RBMS1: variants seen among roughly 807,000 people sequenced by gnomAD.
The protein encoded by RBMS1 is RNA-binding motif, single-stranded-interacting protein 1.
A neutral mutation model predicts 62.3 loss-of-function variants in RBMS1; 17 were observed. That is an observed-to-expected ratio of 0.27 (90% CI 0.19 to 0.41). RBMS1 has a LOEUF of 0.41. Among genes scored for constraint, RBMS1 ranks in the 10% least tolerant of loss-of-function variants. The pLI, the probability that RBMS1 is intolerant of heterozygous loss-of-function variation, is 1.00. For missense variants in RBMS1, 334 were observed against 504.5 expected (o/e 0.66, Z 3.24); for synonymous variants, 172 against 170.0 (o/e 1.01, Z -0.09).
chr2:160,364,319 G>A (rs111503633), intron 2 of RBMS1, among the ~76,000 whole-genome samples: 15 of 152,304 alleles, frequency 9.8e-5, no homozygotes, highest in Admixed American at 5.2e-4. Flanking sequence ...AGCAGTCAAG[G>A]TTCCAAGATT....
At chr2:160,412,818 G>T (rs1450082872) in intron 1 of RBMS1, among the ~76,000 whole-genome samples, 5 of 152,232 alleles carry the variant, frequency 3.3e-5, no homozygotes, top group African/African-American at 1.2e-4. Context: ...TAGAAGGCTA[G>T]CATGAGGGAC....
intron 6 of RBMS1, among the ~76,000 whole-genome samples, chr2:160,290,926 C>G (rs1040690613): frequency 1.3e-5 from 2 of 152,198 alleles, no homozygotes; most frequent in African/African-American, 4.8e-5. Flanking sequence ...GGATAAGGCT[C>G]AGGCTGACTT....
At chr2:160,372,413 C>T (rs1453921968) in intron 1 of RBMS1, among the ~76,000 whole-genome samples, 1 of 152,174 alleles carries the variant, frequency 6.6e-6, no homozygotes, top group African/African-American at 2.4e-5. Context: ...TCAACTATTT[C>T]CTTCATCCAG....
intron 1 of RBMS1, among the ~76,000 whole-genome samples, chr2:160,382,094 T>C (rs1017399469): frequency 6.6e-6 from 1 of 152,186 alleles, no homozygotes; most frequent in South Asian, 2.1e-4. Context: ...CTAAGCTTTA[T>C]GTGTTTGGTG....
chr2:160,405,570 C>A (rs1253822274), intron 1 of RBMS1, among the ~76,000 whole-genome samples: 2 of 152,210 alleles, frequency 1.3e-5, no homozygotes, highest in Non-Finnish European at 2.9e-5. Flanking sequence ...TCAAATACCA[C>A]TGGTACCCGG....
chr2:160,374,065 G>A (rs902199784), intron 1 of RBMS1, among the ~76,000 whole-genome samples: 1 of 152,066 alleles, frequency 6.6e-6, no homozygotes, highest in Non-Finnish European at 1.5e-5. Context: ...TTGAGCCCAG[G>A]GGGTTGAGAC....
intron 1 of RBMS1, among the ~76,000 whole-genome samples, chr2:160,427,329 A>T (rs1682680906): frequency 6.6e-6 from 1 of 152,156 alleles, no homozygotes; most frequent in Non-Finnish European, 1.5e-5. Context: ...CCATATATAT[A>T]CCTACAACTA....
chr2:160,377,196 G>GT (rs1694047213), intron 1 of RBMS1, among the ~76,000 whole-genome samples: 4 of 151,998 alleles, frequency 2.6e-5, no homozygotes, highest in Admixed American at 1.3e-4. Context: ...AAACTGAAAC[G>GT]TAAGTTTTGT....
At chr2:160,480,551 G>A (rs1438956888) in intron 1 of RBMS1, among the ~76,000 whole-genome samples, 1 of 152,034 alleles carries the variant, frequency 6.6e-6, no homozygotes, top group Non-Finnish European at 1.5e-5. Context: ...TTACTTAAAG[G>A]GGTAAATTCA....
At chr2:160,321,084 G>A (rs1376048401) in intron 2 of RBMS1, among the ~76,000 whole-genome samples, 2 of 151,972 alleles carry the variant, frequency 1.3e-5, no homozygotes, top group African/African-American at 4.8e-5. Context: ...GTTGGCCTTC[G>A]ACACTTCTAG....
chr2:160,300,593 A>G (rs1689157639), intron 6 of RBMS1, 58 bp downstream of exon 6: 8 of 1,513,084 alleles, frequency 5.3e-6, no homozygotes, highest in Non-Finnish European at 7.0e-6. Context: ...ATCATGTGCT[A>G]AAGTTAAACA....
rs1687656526 is a variant in RBMS1 at position 160,273,129 on chromosome 2, C to T, written c.*1643G>A. On this transcript the variant is annotated 3_prime_UTR_variant, in exon 14 of 14. Transcript: ENST00000348849. ...TGCCTTAATAAAAGAGCTTTAATAA[C>T]AGTGAATTATCTTATATGTACTAAA... 1 of 152,206 alleles carries T rather than the reference C, an allele frequency of 6.6e-6. No homozygotes were observed. The highest frequency in any genetic ancestry group is 6.5e-5 in the Admixed American group (1 of 15,282). The allele number at this position is 152,206 out of a possible 1,614,324, so 9.4% of individuals were successfully genotyped here. A position where few individuals can be genotyped will look rare whatever the true frequency, so the allele number is the denominator to read the frequency against.
chr2:160,476,704 G>A (rs1373698644), intron 1 of RBMS1, among the ~76,000 whole-genome samples: 4 of 151,350 alleles, frequency 2.6e-5, no homozygotes, highest in Admixed American at 6.6e-5. Flanking sequence ...ACAGGCGCCC[G>A]CCACTACGCC....
At chr2:160,363,679 G>T (rs901194284) in intron 2 of RBMS1, among the ~76,000 whole-genome samples, 10 of 152,182 alleles carry the variant, frequency 6.6e-5, no homozygotes, top group African/African-American at 2.4e-4. Context: ...AAAGCTTCAT[G>T]TTTAAGAAAG....
At chr2:160,466,714 T>G (rs1684710169) in intron 1 of RBMS1, among the ~76,000 whole-genome samples, 1 of 152,182 alleles carries the variant, frequency 6.6e-6, no homozygotes, top group Admixed American at 6.5e-5. Flanking sequence ...GATAAGTAAC[T>G]TAAGTGAACC....
chr2:160,349,394 G>C (rs749854197), intron 2 of RBMS1, among the ~76,000 whole-genome samples: 7 of 152,032 alleles, frequency 4.6e-5, no homozygotes, highest in Non-Finnish European at 8.8e-5. Flanking sequence ...ACAATAAATA[G>C]ATGAAAAAAA....
intron 2 of RBMS1, among the ~76,000 whole-genome samples, chr2:160,349,993 A>G (rs948263177): frequency 6.6e-6 from 1 of 152,030 alleles, no homozygotes; most frequent in African/African-American, 2.4e-5. Flanking sequence ...GGAGCAGTGC[A>G]GGCAGAGGAG....
At chr2:160,469,380 T>C (rs1684826339) in intron 1 of RBMS1, among the ~76,000 whole-genome samples, 1 of 152,162 alleles carries the variant, frequency 6.6e-6, no homozygotes, top group Non-Finnish European at 1.5e-5. Context: ...CTTTGGTTCT[T>C]GTTGCCACCC....
chr2:160,308,262 G>A (rs1281365426), intron 4 of RBMS1, among the ~76,000 whole-genome samples: 4 of 152,064 alleles, frequency 2.6e-5, no homozygotes, highest in African/African-American at 9.7e-5. Context: ...AGGTGTGGTA[G>A]TGCGTGCCTG....
Sources: allele counts gnomAD v4.1 joint callset (sites outside exome capture counted in the v4.1 genomes callset), GRCh38; gene constraint gnomAD v4.1.1; transcripts MANE v1.5; gene names NCBI Gene and HGNC (gene_info 2026-07-23, HGNC 2026-07-21).